ACOT7: variants seen among roughly 807,000 people sequenced by gnomAD.
The protein encoded by ACOT7 is acyl-CoA thioesterase 7, also known as cytosolic acyl coenzyme A thioester hydrolase.
Under a neutral mutation model 40.2 loss-of-function variants are expected in ACOT7, and 12 were observed. The observed-to-expected ratio is 0.30, with a 90% CI of 0.19 to 0.48. The LOEUF (loss-of-function observed/expected upper bound fraction) is 0.48, where lower values mean the gene tolerates loss of function less well. Among genes scored for constraint, ACOT7 ranks in the 20% least tolerant of loss-of-function variants. ACOT7 has a pLI of 0.99. For missense variants in ACOT7, 395 were observed against 530.8 expected, an observed-to-expected ratio of 0.74 and a Z score of 2.51; for synonymous variants, 228 against 219.5, an observed-to-expected ratio of 1.04 and a Z score of -0.34.
chr1:6,382,811 A>G (rs1642363238), intron 1 of ACOT7, among the ~76,000 whole-genome samples: 1 of 151,862 alleles, frequency 6.6e-6, no homozygotes, highest in South Asian at 2.1e-4. Flanking sequence ...TCTCAATTTA[A>G]AAAACAAAAC....
At position 6,327,287 on chromosome 1, in the gene ACOT7, C is replaced by T. The variant is rs772225305; in HGVS notation, c.625+12G>A. The T allele has an allele frequency of 1.2e-5, 19 of 1,613,554 alleles. No homozygotes were observed. The highest frequency in any genetic ancestry group is 2.7e-5 in the African/African-American group (2 of 74,914). ...AGGAGTGGCACCTGCTGCTGGTGTCCGCGGCTCTTACCTGGGTTGAGGACT... is the reference window on the plus strand; with the variant it reads ...AGGAGTGGCACCTGCTGCTGGTGTCTGCGGCTCTTACCTGGGTTGAGGACT... On this transcript the variant is annotated intron_variant, in intron 5 of 8. Transcript: ENST00000361521.
rs751474430 is a variant in ACOT7, at chr1:6,288,415, G to A, written c.829+6449C>T. On this transcript the variant is annotated intron_variant, in intron 7 of 8. Coordinates refer to ENST00000361521, the MANE Select transcript of ACOT7 (RefSeq NM_007274.4). This position sits in a 1 kb window ranked among gnomAD's most constrained non-coding sequence, Gnocchi z 4.3. ...CTAAGGACCCCGTAGGTGCTTGGCC[G>A]GGCTAGTTGGCGCAAAGGTGTAAGG... is the stretch of plus-strand genomic sequence containing the variant. Among the ~76,000 whole-genome samples, 6 of 152,218 alleles carry A rather than the reference G, an allele frequency of 3.9e-5. No individual in the cohort carries two copies. Among genetic ancestry groups the A allele is most frequent in the Non-Finnish European group, 8.8e-5 (6 of 68,046 alleles).
At chr1:6,292,293 T>C (rs1639689143) in intron 7 of ACOT7, among the ~76,000 whole-genome samples, 1 of 152,228 alleles carries the variant, frequency 6.6e-6, no homozygotes, top group South Asian at 2.1e-4. Flanking sequence ...GGTGGGGGCC[T>C]GGGCGGCCCA....
chr1:6,360,490 C>A, intron 1 of ACOT7: 1 of 1,562,462 alleles, frequency 6.4e-7, no homozygotes, highest in Non-Finnish European at 8.8e-7. Flanking sequence ...CCCACCCTGG[C>A]ACACAGGACA....
chr1:6,338,260 GCA>G lies in ACOT7; in HGVS notation c.418+1171_418+1172del, dbSNP rs1358537582. On this transcript the variant is annotated intron_variant, in intron 3 of 8. Coordinates refer to ENST00000361521, the MANE Select transcript of ACOT7 (RefSeq NM_007274.4). This position sits in a 1 kb window ranked among gnomAD's most constrained non-coding sequence, Gnocchi z 4.4. ...GGAAGGGGCCAAGGCTCCACCCCCA[GCA>G]CAGTCGGAGAAGAGCTGCGATCTCA... Among the ~76,000 whole-genome samples, 5 of 152,196 alleles carry G rather than the reference GCA, an allele frequency of 3.3e-5. No homozygotes were observed. The highest frequency in any genetic ancestry group is 9.7e-5 in the African/African-American group (4 of 41,446).
At position 6,360,796 on chromosome 1, in the gene ACOT7, C is replaced by T. The variant is rs1355857845; in HGVS notation, c.144-10930G>A. 14 of 1,472,174 alleles carry T rather than the reference C, an allele frequency of 9.5e-6. No homozygotes were observed. In the East Asian group the frequency reaches 3.5e-4, roughly 36 times the overall value. The allele number at this position is 1,472,174 out of a possible 1,614,324, so 91.2% of individuals were successfully genotyped here. A position where few individuals can be genotyped will look rare whatever the true frequency, so the allele number is the denominator to read the frequency against. On this transcript the variant is annotated intron_variant, in intron 1 of 8. Transcript: ENST00000361521. The stretch of plus-strand genomic sequence containing the variant: ...ATTGCTGCCTCCCTAAGCAACCCTT[C>T]CAGCTGGTCCCAGTCCAGGTGTGCT...
rs1186622862 is a variant in ACOT7, at chr1:6,264,525, G to T, written c.*72C>A. ...TGAATTGGGTTTTTGGCCAAGGGGG[G>T]AACTTCTAAGTGACTGGACACTGGG... On this transcript the variant is annotated 3_prime_UTR_variant, in exon 9 of 9. Coordinates refer to ENST00000361521, the MANE Select transcript of ACOT7 (RefSeq NM_007274.4). 6.9e-7 allele frequency: 1 copy of T among 1,447,796 alleles called. No individual in the cohort carries two copies. Among genetic ancestry groups the T allele is most frequent in the Non-Finnish European group, 9.4e-7 (1 of 1,068,136 alleles). The allele number at this position is 1,447,796 out of a possible 1,614,324, so 89.7% of individuals were successfully genotyped here.
intron 1 of ACOT7, among the ~76,000 whole-genome samples, chr1:6,364,612 G>T (rs1341190374): frequency 1.6e-4 from 24 of 151,610 alleles, no homozygotes; most frequent in African/African-American, 5.8e-4. Context: ...CACTTTGGGA[G>T]GCCGAGGTGG....
intron 2 of ACOT7, among the ~76,000 whole-genome samples, chr1:6,340,246 A>G (rs775011650): frequency 5.9e-5 from 9 of 152,078 alleles, no homozygotes; most frequent in South Asian, 2.1e-4. Flanking sequence ...GATTACAGGC[A>G]TGAGCCACCG....
At chr1:6,276,661 G>C (rs1639200477) in intron 8 of ACOT7, among the ~76,000 whole-genome samples, 1 of 152,078 alleles carries the variant, frequency 6.6e-6, no homozygotes, top group African/African-American at 2.4e-5. Flanking sequence ...CGCACATGCA[G>C]GTTCACCGCA....
chr1:6,349,653 G>T, intron 2 of ACOT7, 96 bp downstream of exon 2: 1 of 1,192,390 alleles, frequency 8.4e-7, no homozygotes, highest in South Asian at 1.3e-5. Flanking sequence ...CACAAGGGGA[G>T]GGAAGGCTGC....
intron 8 of ACOT7, among the ~76,000 whole-genome samples, chr1:6,266,925 C>T (rs1248324448): frequency 6.6e-6 from 1 of 152,174 alleles, no homozygotes; most frequent in African/African-American, 2.4e-5. Flanking sequence ...CTGTGGCAGC[C>T]CTGGGAGACA....
intron 5 of ACOT7, among the ~76,000 whole-genome samples, chr1:6,321,830 T>C (rs1557649519): frequency 6.6e-6 from 1 of 152,216 alleles, no homozygotes; most frequent in Non-Finnish European, 1.5e-5. Context: ...GCTTTTGATT[T>C]CAGTCTCCTT....
chr1:6,307,734 G>A (rs936615034), intron 6 of ACOT7, among the ~76,000 whole-genome samples: 1 of 151,690 alleles, frequency 6.6e-6, no homozygotes, highest in Non-Finnish European at 1.5e-5. Flanking sequence ...ACGACCAGGC[G>A]GGGGAACTGC....
rs905382748 is a variant in ACOT7 at position 6,294,619 on chromosome 1, G to A, written c.829+245C>T. Among the ~76,000 whole-genome samples, 5 of 152,238 alleles carry A rather than the reference G, an allele frequency of 3.3e-5. No individual in the cohort carries two copies. Among genetic ancestry groups the A allele is most frequent in the African/African-American group, 1.2e-4 (5 of 41,456 alleles). On this transcript the variant is annotated intron_variant, in intron 7 of 8. Coordinates refer to ENST00000361521, the MANE Select transcript of ACOT7 (RefSeq NM_007274.4). The surrounding 1 kb of genome is among the most constrained non-coding windows in gnomAD (Gnocchi z 4.6). ...TCTGTGGAGCGTTTTCAGAGGGTGA[G>A]TTTAGGCAGGTCTTTAGGAGGATAA...
At chr1:6,364,589 C>A (rs1388458199) in intron 1 of ACOT7, among the ~76,000 whole-genome samples, 1 of 151,154 alleles carries the variant, frequency 6.6e-6, no homozygotes, top group Non-Finnish European at 1.5e-5. Flanking sequence ...GTGGCTCACG[C>A]CTGTAATCCC....
chr1:6,281,365 G>A, intron 7 of ACOT7, 79 bp from the exon 8 acceptor site: 3 of 1,307,956 alleles, frequency 2.3e-6, no homozygotes, highest in Non-Finnish European at 3.3e-6. Flanking sequence ...TCTGTGGTCA[G>A]CAGGCAGACA....
chr1:6,383,963 C>A (rs111977728), intron 1 of ACOT7, among the ~76,000 whole-genome samples: 2,126 of 151,900 alleles, frequency 0.014, 56 homozygotes, highest in African/African-American at 0.048. Flanking sequence ...CTCGGCCTCC[C>A]AAAGTGCTGG....
chr1:6,318,279 C>G (rs2148421282), intron 6 of ACOT7, among the ~76,000 whole-genome samples: 2 of 152,282 alleles, frequency 1.3e-5, no homozygotes, highest in South Asian at 4.1e-4. Flanking sequence ...TGGTCTTGAA[C>G]TCCTAAGCTC....
Sources: gnomAD v4.1 joint callset for allele counts (sites outside exome capture counted in the v4.1 genomes callset) on GRCh38, gnomAD v4.1.1 for gene constraint, Gnocchi (gnomAD v3.1) non-coding constraint, MANE v1.5 for transcripts, NCBI Gene and HGNC (gene_info 2026-07-23, HGNC 2026-07-21) for gene names.